The following SGCD variants were observed in gnomAD, a reference collection of about 807,000 sequenced individuals.
SGCD encodes the protein delta-sarcoglycan.
SGCD carries 18 observed loss-of-function variants against 36.6 expected under a neutral mutation model. The observed-to-expected ratio is 0.49, with a 90% CI of 0.34 to 0.73. The LOEUF (loss-of-function observed/expected upper bound fraction) is 0.73, where lower values mean the gene tolerates loss of function less well. Ranked by LOEUF, SGCD falls within the 30% of genes least tolerant of loss-of-function variation. The pLI is 0.01. For synonymous variants in SGCD, 133 were observed against 130.6 expected, an observed-to-expected ratio of 1.02 and a Z score of -0.12; for missense variants, 387 against 346.7, an observed-to-expected ratio of 1.12 and a Z score of -0.92.
chr5:156,536,617 T>G (rs1482747021), intron 4 of SGCD, among the ~76,000 whole-genome samples: 1 of 152,088 alleles, frequency 6.6e-6, no homozygotes, highest in Non-Finnish European at 1.5e-5. Flanking sequence ...GTTTGTTTGT[T>G]TTTTGGCAGA....
chr5:156,128,715 T>G (rs1157447054), intron 3 of SGCD, among the ~76,000 whole-genome samples: 3 of 152,164 alleles, frequency 2.0e-5, no homozygotes, highest in Admixed American at 6.5e-5. Context: ...TCTCTCTCTC[T>G]TCTGCCAGCA....
chr5:155,879,213 T>C (rs1446258707), intron 1 of SGCD, among the ~76,000 whole-genome samples: 1 of 152,206 alleles, frequency 6.6e-6, no homozygotes, highest in East Asian at 1.9e-4. Context: ...AAATGTCCTA[T>C]TCCTTGTAAA....
chr5:155,861,590 C>T, the SGCD span, among the ~76,000 whole-genome samples: 9 of 152,224 alleles, frequency 5.9e-5, no homozygotes, highest in African/African-American at 1.4e-4. Context: ...TGGTGGCATG[C>T]GCCTGTAGTC....
intron 3 of SGCD, among the ~76,000 whole-genome samples, chr5:156,298,083 G>C (rs187781795): frequency 1.3e-5 from 2 of 151,986 alleles, no homozygotes; most frequent in East Asian, 3.9e-4. Context: ...ATATCCTCCA[G>C]GTCCGTCCAT....
In SGCD at chr5:156,581,685, G is replaced by A. The variant is rs553342915; in HGVS notation, c.295-7546G>A. Among the ~76,000 whole-genome samples the A allele has an allele frequency of 2.6e-5, 4 of 152,310 alleles. No homozygotes were observed. In the South Asian group the frequency reaches 6.2e-4, roughly 24 times the overall value. ...TCGCAGGTTGATCTCAGACTGCTGCGCTAGCAGTGAGCAAGGCTCTGTGGG... is the reference window on the plus strand; with the variant it reads ...TCGCAGGTTGATCTCAGACTGCTGCACTAGCAGTGAGCAAGGCTCTGTGGG... On this transcript the variant is annotated intron_variant, in intron 4 of 8. Coordinates refer to ENST00000337851, the MANE Select transcript of SGCD (RefSeq NM_000337.6).
At chr5:155,990,111 GATGGCTTTGACTTGTTTCC>G (rs1169035544) in intron 1 of SGCD, among the ~76,000 whole-genome samples, 1 of 152,296 alleles carries the variant, frequency 6.6e-6, no homozygotes, top group Middle Eastern at 3.4e-3. Context: ...GCCAGCATTT[GATGGCTTTGACTTGTTTCC>G]ATGTAGTGAA....
At chr5:156,539,166 G>T (rs762769100) in intron 4 of SGCD, among the ~76,000 whole-genome samples, 18 of 151,752 alleles carry the variant, frequency 1.2e-4, no homozygotes, top group Non-Finnish European at 2.4e-4. Context: ...GGAAGGAAGG[G>T]GTGTGTCTGG....
intron 3 of SGCD, among the ~76,000 whole-genome samples, chr5:156,402,245 T>C (rs898885576): frequency 6.6e-6 from 1 of 152,220 alleles, no homozygotes; most frequent in Non-Finnish European, 1.5e-5. Flanking sequence ...AAATATCTGT[T>C]GGAGTCCCTG....
At chr5:156,422,730 A>G (rs1211040011) in intron 3 of SGCD, among the ~76,000 whole-genome samples, 1 of 152,020 alleles carries the variant, frequency 6.6e-6, no homozygotes, top group African/African-American at 2.4e-5. Flanking sequence ...GGTGCTTATC[A>G]ACATCTGTAA....
intron 1 of SGCD, among the ~76,000 whole-genome samples, chr5:156,053,255 G>A (rs1401026736): frequency 6.8e-6 from 1 of 146,040 alleles, no homozygotes; most frequent in African/African-American, 2.5e-5. Context: ...GAAGGTTAAG[G>A]GCTATAGCAG....
At chr5:156,645,037 C>T (rs1329575291) in intron 6 of SGCD, among the ~76,000 whole-genome samples, 2 of 151,762 alleles carry the variant, frequency 1.3e-5, no homozygotes, top group East Asian at 1.9e-4. Context: ...CTGTCACATG[C>T]TTTATAAGTT....
chr5:156,502,038 C>CTTTTT (rs34669004), intron 3 of SGCD, among the ~76,000 whole-genome samples: 1 of 141,080 alleles, frequency 7.1e-6, no homozygotes, highest in African/African-American at 2.6e-5. Flanking sequence ...GATATTCTCT[C>CTTTTT]TTTTTTTTTT....
At chr5:156,674,347 G>A (rs1753425387) in intron 7 of SGCD, among the ~76,000 whole-genome samples, 1 of 152,184 alleles carries the variant, frequency 6.6e-6, no homozygotes. Flanking sequence ...GTTAAGAACA[G>A]GTAAAGGCAT....
chr5:155,860,530 G>A, the SGCD span, among the ~76,000 whole-genome samples: 1 of 152,168 alleles, frequency 6.6e-6, no homozygotes, highest in Non-Finnish European at 1.5e-5. Context: ...CTAGGAGCTT[G>A]ATACTAAAAC....
At chr5:156,009,362 A>G (rs4704918) in intron 1 of SGCD, among the ~76,000 whole-genome samples, 12,825 of 152,052 alleles carry the variant, frequency 0.084, 1,760 homozygotes, top group African/African-American at 0.29. Flanking sequence ...GCCAATTTCT[A>G]TTGGCCTCTA....
intron 3 of SGCD, among the ~76,000 whole-genome samples, chr5:156,269,116 A>G (rs1027744905): frequency 6.6e-6 from 1 of 152,086 alleles, no homozygotes; most frequent in Non-Finnish European, 1.5e-5. Context: ...GGCACTTCTT[A>G]CATGGCAACA....
At chr5:155,775,229 C>G in the SGCD span, among the ~76,000 whole-genome samples, 1 of 152,050 alleles carries the variant, frequency 6.6e-6, no homozygotes, top group Non-Finnish European at 1.5e-5. Context: ...TTCAGGACAC[C>G]TTCTCTGCTT....
chr5:155,886,579 C>G (rs530735805), intron 1 of SGCD, among the ~76,000 whole-genome samples: 23 of 152,182 alleles, frequency 1.5e-4, no homozygotes, highest in African/African-American at 5.5e-4. Flanking sequence ...GTAAGTAAGT[C>G]GTGGACTGGG....
At chr5:156,751,427 A>C (rs1295113171) in intron 7 of SGCD, among the ~76,000 whole-genome samples, 2 of 151,980 alleles carry the variant, frequency 1.3e-5, no homozygotes, top group Non-Finnish European at 1.5e-5. Context: ...GGTAAGACAC[A>C]GAAAGTGCAA....
Sources: allele counts gnomAD v4.1 joint callset (sites outside exome capture counted in the v4.1 genomes callset), GRCh38; gene constraint gnomAD v4.1.1; transcripts MANE v1.5; gene names NCBI Gene and HGNC (gene_info 2026-07-23, HGNC 2026-07-21).